ZFPM1: variants seen among roughly 807,000 people sequenced by gnomAD.
ZFPM1 encodes the protein zinc finger protein ZFPM1.
ZFPM1 carries 28 observed loss-of-function variants against 46.3 expected under a neutral mutation model. The observed-to-expected ratio is 0.60, with a 90% CI of 0.45 to 0.83. The LOEUF (loss-of-function observed/expected upper bound fraction) is 0.83. Among genes scored for constraint, ZFPM1 ranks in the 40% least tolerant of loss-of-function variants. ZFPM1 has a pLI of 0.00. For missense variants in ZFPM1, 1,878 were observed against 1,432.4 expected (o/e 1.31, Z -5.02); for synonymous variants, 957 against 675.9 (o/e 1.42, Z -6.45).
intron 1 of ZFPM1, among the ~76,000 whole-genome samples, chr16:88,473,797 CAT>C (rs1295180642): frequency 6.6e-6 from 1 of 152,226 alleles, no homozygotes; most frequent in Non-Finnish European, 1.5e-5. Context: ...CCCTGCCACA[CAT>C]ATGGCCTGAC....
At chr16:88,459,529 T>C in intron 1 of ZFPM1, among the ~76,000 whole-genome samples, 1 of 128,814 alleles carries the variant, frequency 7.8e-6, no homozygotes. Flanking sequence ...CTCCTACCCT[T>C]CTCCTTCCTC....
intron 1 of ZFPM1, among the ~76,000 whole-genome samples, chr16:88,474,725 C>T (rs1268228650): frequency 6.6e-6 from 1 of 152,186 alleles, no homozygotes; most frequent in Non-Finnish European, 1.5e-5. Flanking sequence ...GAACACTGTC[C>T]GAGCCTCCGC....
chr16:88,453,049 G>A (rs1409899475), upstream of ZFPM1, among the ~76,000 whole-genome samples: 1 of 151,476 alleles, frequency 6.6e-6, no homozygotes, highest in Non-Finnish European at 1.5e-5. Context: ...CAGCGCTGGG[G>A]TCGGAGCCAG....
At chr16:88,525,918 C>T (rs535191688) in intron 4 of ZFPM1, among the ~76,000 whole-genome samples, 1 of 152,360 alleles carries the variant, frequency 6.6e-6, no homozygotes, top group East Asian at 1.9e-4. Flanking sequence ...TCCTTCCAGA[C>T]TTAGCCTGAG....
intron 1 of ZFPM1, 115 bp from the exon 2 acceptor site, chr16:88,485,824 C>G (rs566187630): frequency 7.8e-6 from 7 of 894,920 alleles, no homozygotes; most frequent in Non-Finnish European, 1.2e-5. Flanking sequence ...CCCTCACCCC[C>G]ACCCATTGCC....
intron 3 of ZFPM1, among the ~76,000 whole-genome samples, chr16:88,507,639 AG>A (rs1259064603): frequency 1.3e-5 from 2 of 152,302 alleles, no homozygotes; most frequent in South Asian, 4.1e-4. Context: ...TGAGAACACC[AG>A]CCCCCATGGG....
chr16:88,480,276 T>G lies in ZFPM1; in HGVS notation c.41-5663T>G, dbSNP rs1908872373. Among the ~76,000 whole-genome samples, 1 of 152,008 alleles carries G rather than the reference T, an allele frequency of 6.6e-6. No individual in the cohort carries two copies. The highest frequency in any genetic ancestry group is 2.4e-5 in the African/African-American group (1 of 41,408). On this transcript the variant is annotated intron_variant, in intron 1 of 9. Transcript: ENST00000319555. The surrounding 1 kb of genome is among the most constrained non-coding windows in gnomAD (Gnocchi z 4.9). ...GGTGCTCACACTGGCATCTTCCACT[T>G]TTTGGGGGATGGGGCTGGTCACTGC...
At position 88,533,594 on chromosome 16, in the gene ZFPM1, A is replaced by G; in HGVS notation, c.1636A>G (p.Met546Val). Reference sequence around the variant, plus strand: ...CCCCGCCTCGGAGATCCTGGCCAAGATGTCCGAGCTGGTGCACAGCCGGCT... The same window carrying G: ...CCCCGCCTCGGAGATCCTGGCCAAGGTGTCCGAGCTGGTGCACAGCCGGCT... Reference protein sequence around the residue: ...APPASEILAKMSELVHSRLQQ... With the variant: ...APPASEILAKVSELVHSRLQQ... The change falls in exon 10 of 10, where the codon ATG becomes GTG. Residue 546 changes from methionine to valine, a missense_variant. Physicochemically the swap from Met to Val is conservative, Grantham distance 21. Coordinates refer to ENST00000319555, the MANE Select transcript of ZFPM1 (RefSeq NM_153813.3). The G allele has an allele frequency of 6.7e-7, 1 of 1,496,300 alleles. No homozygotes were observed. The highest frequency in any genetic ancestry group is 8.9e-7 in the Non-Finnish European group (1 of 1,122,298). The allele number at this position is 1,496,300 out of a possible 1,614,324, so 92.7% of individuals were successfully genotyped here. A position where few individuals can be genotyped will look rare whatever the true frequency, so the allele number is the denominator to read the frequency against.
At chr16:88,479,816 G>A (rs1250384576) in intron 1 of ZFPM1, among the ~76,000 whole-genome samples, 3 of 69,304 alleles carry the variant, frequency 4.3e-5, no homozygotes, top group Non-Finnish European at 8.5e-5. Flanking sequence ...CCTCTGCCCC[G>A]ACCTGTGCCC....
rs1260838164 is a variant in ZFPM1, at chr16:88,534,160, C to T, written c.2202C>T (p.Pro734=). ...PGPAAPPAPS[P]AAPVRTRRRR... is the part of the protein sequence containing the mutation. ...CGGCCGCGCCCCCGGCCCCCTCTCC[C>T]GCCGCGCCTGTGCGCACGCGCAGAC... Residue 734 remains proline, a synonymous_variant, in exon 10 of 10, where the codon CCC becomes CCT. Coordinates refer to ENST00000319555, the MANE Select transcript of ZFPM1 (RefSeq NM_153813.3). 2.0e-6 allele frequency: 2 copies of T among 999,946 alleles called. No individual in the cohort carries two copies. Among genetic ancestry groups the T allele is most frequent in the Non-Finnish European group, 2.4e-6 (2 of 842,444 alleles). 61.9% of individuals were successfully genotyped at this position (999,946 alleles called of 1,614,324 possible).
chr16:88,479,803 C>T (rs1238731105), intron 1 of ZFPM1, among the ~76,000 whole-genome samples: 1 of 147,302 alleles, frequency 6.8e-6, no homozygotes, highest in African/African-American at 2.5e-5. Context: ...CTCCCCATCC[C>T]ATCCTCTGCC....
At chr16:88,525,469 G>A (rs1180150740) in intron 4 of ZFPM1, among the ~76,000 whole-genome samples, 2 of 152,246 alleles carry the variant, frequency 1.3e-5, no homozygotes, top group African/African-American at 4.8e-5. Context: ...CAAAGGTCAT[G>A]GTGCAGGAAG....
At chr16:88,501,313 TGGAGATAGCAGACATGGGTGC>T (rs1228547181) in intron 3 of ZFPM1, among the ~76,000 whole-genome samples, 2 of 113,320 alleles carry the variant, frequency 1.8e-5, no homozygotes, top group Non-Finnish European at 3.6e-5. Context: ...CTGGTGATGA[TGGAGATAGCAGACATGGGTGC>T]GGGGCCCTCC....
chr16:88,476,893 T>C (rs906643897), intron 1 of ZFPM1, among the ~76,000 whole-genome samples: 1 of 152,236 alleles, frequency 6.6e-6, no homozygotes, highest in Admixed American at 6.5e-5. Context: ...GGCTTCCCAC[T>C]TCTGGCCCGG....
chr16:88,501,865 A>G (rs953336476), intron 3 of ZFPM1, among the ~76,000 whole-genome samples: 3 of 152,038 alleles, frequency 2.0e-5, no homozygotes, highest in African/African-American at 4.8e-5. Context: ...GCTGTTTGCC[A>G]TGGGATCAAC....
At chr16:88,500,206 A>AC (rs1171420276) in intron 3 of ZFPM1, among the ~76,000 whole-genome samples, 1 of 130,264 alleles carries the variant, frequency 7.7e-6, no homozygotes, top group Admixed American at 7.7e-5. Context: ...GGGCAGGCCC[A>AC]CCAGAGTCAC....
At position 88,518,593 on chromosome 16, in the gene ZFPM1, G is replaced by T. The variant is rs372768400; in HGVS notation, c.402+4073G>T. Among the ~76,000 whole-genome samples the T allele has an allele frequency of 2.5e-3, 364 of 144,514 alleles. 1 individual carries two copies. The highest frequency in any genetic ancestry group is 8.6e-3 in the African/African-American group (336 of 38,894). The allele number at this position is 144,514 out of a possible 152,430, so 94.8% of individuals were successfully genotyped here. A position where few individuals can be genotyped will look rare whatever the true frequency, so the allele number is the denominator to read the frequency against. ...TAGTGGGTAGATGGACGGATGGTTG[G>T]GTAGGTAGCTGGTGGATAAGTGGAT... On this transcript the variant is annotated intron_variant, in intron 4 of 9. Coordinates refer to ENST00000319555, the MANE Select transcript of ZFPM1 (RefSeq NM_153813.3).
intron 3 of ZFPM1, among the ~76,000 whole-genome samples, chr16:88,501,306 G>A (rs771033396): frequency 1.0e-4 from 12 of 118,204 alleles, no homozygotes; most frequent in Non-Finnish European, 1.4e-4. Flanking sequence ...GCAGGTGCTG[G>A]TGATGATGGA....
chr16:88,494,921 G>A (rs1371129257), intron 3 of ZFPM1, among the ~76,000 whole-genome samples: 1 of 152,216 alleles, frequency 6.6e-6, no homozygotes, highest in South Asian at 2.1e-4. Flanking sequence ...GGCAGGAGGC[G>A]GAGAGCTCCT....
Sources: allele counts gnomAD v4.1 joint callset (sites outside exome capture counted in the v4.1 genomes callset), GRCh38; gene constraint gnomAD v4.1.1; non-coding constraint Gnocchi (gnomAD v3.1); transcripts MANE v1.5; gene names NCBI Gene and HGNC (gene_info 2026-07-23, HGNC 2026-07-21).